Variants in PAK2 observed in about 807,000 individuals in gnomAD.
The protein encoded by PAK2 is p21 (RAC1) activated kinase 2.
Under a neutral mutation model 65.9 loss-of-function variants are expected in PAK2, and 21 were observed. That is an observed-to-expected ratio of 0.32 (90% confidence interval 0.23 to 0.46). The LOEUF (loss-of-function observed/expected upper bound fraction) is 0.46. Among genes scored for constraint, PAK2 ranks in the 20% least tolerant of loss-of-function variants. The pLI, the probability that PAK2 is intolerant of heterozygous loss-of-function variation, is 1.00. For missense variants in PAK2, 324 were observed against 642.6 expected (o/e 0.50, Z 5.36); for synonymous variants, 204 against 219.7 (o/e 0.93, Z 0.63).
At position 196,782,640 on chromosome 3, in the gene PAK2, C is replaced by G. The variant is rs931965010; in HGVS notation, c.-7C>G. 6 of 1,556,498 alleles carry G rather than the reference C, an allele frequency of 3.9e-6. No individual in the cohort carries two copies. Among genetic ancestry groups the G allele is most frequent in the African/African-American group, 2.7e-5 (2 of 72,754 alleles). On this transcript the variant is annotated 5_prime_UTR_variant, in exon 2 of 15. Coordinates refer to ENST00000327134, the MANE Select transcript of PAK2 (RefSeq NM_002577.4). ...TCCAATTCCAGGCCATTTCATAATTCTGAATCATGTCTGATAACGGAGAAC... is the reference window on the plus strand; with the variant it reads ...TCCAATTCCAGGCCATTTCATAATTGTGAATCATGTCTGATAACGGAGAAC...
intron 4 of PAK2, 34 bp from the exon 5 acceptor site, chr3:196,805,318 G>C (rs200536608): frequency 8.3e-7 from 1 of 1,210,232 alleles, no homozygotes; most frequent in Non-Finnish European, 1.2e-6. Context: ...GCTGTTTCTT[G>C]AATTGCTAAT....
chr3:196,774,660 A>C (rs1471336288), intron 1 of PAK2, among the ~76,000 whole-genome samples: 3 of 152,334 alleles, frequency 2.0e-5, no homozygotes, highest in African/African-American at 7.2e-5. Flanking sequence ...TTGACTCAGC[A>C]GTTCAGAGTT....
chr3:196,793,996 T>C (rs1481720913), intron 2 of PAK2, among the ~76,000 whole-genome samples: 1 of 152,046 alleles, frequency 6.6e-6, no homozygotes, highest in Non-Finnish European at 1.5e-5. Flanking sequence ...CTGGGCTCGG[T>C]GGCGTACACC....
chr3:196,802,565 G>A (rs1269975569), intron 3 of PAK2, among the ~76,000 whole-genome samples: 1 of 151,634 alleles, frequency 6.6e-6, no homozygotes, highest in African/African-American at 2.4e-5. Context: ...GACCTAGGCC[G>A]GGCGCGGTGG....
chr3:196,745,929 T>C (rs974179711), intron 1 of PAK2, among the ~76,000 whole-genome samples: 2 of 152,170 alleles, frequency 1.3e-5, no homozygotes, highest in Admixed American at 6.5e-5. Context: ...TTCATTGTTT[T>C]ATCTGAGAAT....
chr3:196,787,743 T>G (rs1714942258), intron 2 of PAK2, among the ~76,000 whole-genome samples: 1 of 152,196 alleles, frequency 6.6e-6, no homozygotes, highest in Non-Finnish European at 1.5e-5. Flanking sequence ...GACAGAGATG[T>G]GTGGAATGTT....
At chr3:196,827,442 G>T in intron 14 of PAK2, 109 bp downstream of exon 14, 1 of 1,509,402 alleles carries the variant, frequency 6.6e-7, no homozygotes, top group Non-Finnish European at 8.8e-7. Flanking sequence ...GATCACCAGC[G>T]GTATGGCAGC....
intron 1 of PAK2, among the ~76,000 whole-genome samples, chr3:196,773,397 T>C (rs1444603419): frequency 6.6e-6 from 1 of 152,238 alleles, no homozygotes; most frequent in African/African-American, 2.4e-5. Flanking sequence ...CTTATCACAG[T>C]CTCATTTGGT....
At chr3:196,790,783 A>G (rs1226203116) in intron 2 of PAK2, among the ~76,000 whole-genome samples, 1 of 152,216 alleles carries the variant, frequency 6.6e-6, no homozygotes, top group Non-Finnish European at 1.5e-5. Flanking sequence ...TATTTAGTAT[A>G]GATTAATTGA....
intron 1 of PAK2, among the ~76,000 whole-genome samples, chr3:196,769,645 C>A (rs747558585): frequency 1.7e-3 from 60 of 35,760 alleles, no homozygotes; most frequent in East Asian, 9.7e-3. Flanking sequence ...CCCCGTCTCT[C>A]CTAAAAAAAA....
chr3:196,817,773 T>C (rs1436134743), intron 11 of PAK2, among the ~76,000 whole-genome samples: 1 of 152,162 alleles, frequency 6.6e-6, no homozygotes, highest in African/African-American at 2.4e-5. Context: ...GGCAAGACAT[T>C]ATACAGACCC....
rs1715065856 is a variant in PAK2, at chr3:196,791,440, A to G, written c.187+8607A>G. On this transcript the variant is annotated intron_variant, in intron 2 of 14. Coordinates refer to ENST00000327134, the MANE Select transcript of PAK2 (RefSeq NM_002577.4). This position sits in a 1 kb window ranked among gnomAD's most constrained non-coding sequence, Gnocchi z 4.0. ...CTTTAACTTTTTACTCTATACTCCTATCATATATGAAACTTTAATATATTT... is the reference window on the plus strand; with the variant it reads ...CTTTAACTTTTTACTCTATACTCCTGTCATATATGAAACTTTAATATATTT... Among the ~76,000 whole-genome samples the G allele has an allele frequency of 1.3e-5, 2 of 152,106 alleles. No homozygotes were observed. Among genetic ancestry groups the G allele is most frequent in the African/African-American group, 4.8e-5 (2 of 41,420 alleles).
At chr3:196,816,914 T>G (rs1716044790) in intron 11 of PAK2, among the ~76,000 whole-genome samples, 1 of 152,146 alleles carries the variant, frequency 6.6e-6, no homozygotes, top group African/African-American at 2.4e-5. Flanking sequence ...AAGTTGTAGA[T>G]ACAGCTTAAT....
intron 1 of PAK2, among the ~76,000 whole-genome samples, chr3:196,777,311 C>A (rs759032232): frequency 1.3e-5 from 2 of 152,154 alleles, no homozygotes; most frequent in Non-Finnish European, 2.9e-5. Flanking sequence ...TCAAGCTATT[C>A]TCCTGCCTCA....
At chr3:196,799,759 A>G (rs972628199) in intron 2 of PAK2, among the ~76,000 whole-genome samples, 3 of 152,078 alleles carry the variant, frequency 2.0e-5, no homozygotes, top group African/African-American at 7.2e-5. Context: ...GGTTCAAGCA[A>G]TTCTTGTGCC....
intron 13 of PAK2, among the ~76,000 whole-genome samples, chr3:196,826,175 T>C (rs757953047): frequency 6.6e-6 from 1 of 151,764 alleles, no homozygotes; most frequent in Non-Finnish European, 1.5e-5. Flanking sequence ...TTTGTTTGTT[T>C]GTTTGTTTAT....
chr3:196,781,859 T>C (rs906262128), intron 1 of PAK2, among the ~76,000 whole-genome samples: 3 of 152,144 alleles, frequency 2.0e-5, no homozygotes, highest in African/African-American at 7.2e-5. Flanking sequence ...ATCCCAGCAC[T>C]GTGGGAGGCC....
chr3:196,812,971 AAAG>A (rs1173111065), intron 10 of PAK2, 120 bp downstream of exon 10: 1 of 596,226 alleles, frequency 1.7e-6, no homozygotes, highest in African/African-American at 1.9e-5. Context: ...AAGATGGAAG[AAAG>A]AAGAGGAGAG....
chr3:196,776,331 C>T (rs929303466), intron 1 of PAK2, among the ~76,000 whole-genome samples: 5 of 152,298 alleles, frequency 3.3e-5, no homozygotes, highest in Middle Eastern at 3.4e-3. Flanking sequence ...TCATAAGGTA[C>T]TTCTGCGTAC....
Sources: allele counts gnomAD v4.1 joint callset (sites outside exome capture counted in the v4.1 genomes callset), GRCh38; gene constraint gnomAD v4.1.1; non-coding constraint Gnocchi (gnomAD v3.1); transcripts MANE v1.5; gene names NCBI Gene and HGNC (gene_info 2026-07-23, HGNC 2026-07-21).